The following FBXL7 variants were observed in gnomAD, a reference collection of about 807,000 sequenced individuals.
FBXL7 encodes F-box and leucine rich repeat protein 7.
A neutral mutation model predicts 38.3 loss-of-function variants in FBXL7; 12 were observed. That is an observed-to-expected ratio of 0.31 (90% CI 0.20 to 0.51). The LOEUF (loss-of-function observed/expected upper bound fraction) is 0.51, where lower values mean the gene tolerates loss of function less well. FBXL7 is among the 20% of genes least tolerant of loss of function. The pLI, the probability that FBXL7 is intolerant of heterozygous loss-of-function variation, is 0.98. For missense variants in FBXL7, 567 were observed against 676.4 expected, an observed-to-expected ratio of 0.84 and a Z score of 1.79; for synonymous variants, 297 against 300.9, an observed-to-expected ratio of 0.99 and a Z score of 0.13.
chr5:15,808,511 C>T (rs1737775187), intron 2 of FBXL7, among the ~76,000 whole-genome samples: 1 of 152,132 alleles, frequency 6.6e-6, no homozygotes, highest in South Asian at 2.1e-4. Flanking sequence ...CTGTGTATTT[C>T]CCACTGTGTA....
intron 2 of FBXL7, among the ~76,000 whole-genome samples, chr5:15,680,823 A>G (rs1742821258): frequency 6.6e-6 from 1 of 152,188 alleles, no homozygotes; most frequent in South Asian, 2.1e-4. Context: ...TTCTCTCTTC[A>G]TAAATGGCCA....
intron 2 of FBXL7, among the ~76,000 whole-genome samples, chr5:15,703,166 T>C (rs972149910): frequency 2.0e-5 from 3 of 152,208 alleles, no homozygotes; most frequent in African/African-American, 7.2e-5. Context: ...CTACAGTTAC[T>C]TACACAAATG....
chr5:15,500,577 C>G lies in FBXL7; in HGVS notation c.-100C>G. 1 of 1,540,628 alleles carries G rather than the reference C, an allele frequency of 6.5e-7. No homozygotes were observed. The highest frequency in any genetic ancestry group is 1.1e-5 in the South Asian group (1 of 89,708). On this transcript the variant is annotated 5_prime_UTR_variant, in exon 1 of 4. Transcript: ENST00000504595. ...CCCGGAGCTTGGGGGGGATGTGCAG[C>G]TAACGGTCCCGTCGGGCGGGCTTTC...
In FBXL7 at chr5:15,928,720, T is replaced by A. The variant is rs573494873; in HGVS notation, c.739+219T>A. On this transcript the variant is annotated intron_variant, in intron 3 of 3. Transcript: ENST00000504595. The surrounding 1 kb of genome is among the most constrained non-coding windows in gnomAD (Gnocchi z 4.0). ...TCAAATAATGTCCACTTCTTTTTTTTTTATTATTATACTTTAAGTTTTAGG... is the reference window on the plus strand; with the variant it reads ...TCAAATAATGTCCACTTCTTTTTTTATTATTATTATACTTTAAGTTTTAGG... Among the ~76,000 whole-genome samples, 65 of 152,312 alleles carry A rather than the reference T, an allele frequency of 4.3e-4. No homozygotes were observed. In the Middle Eastern group the frequency reaches 0.014, roughly 32 times the overall value.
At chr5:15,701,876 T>C (rs181672889) in intron 2 of FBXL7, among the ~76,000 whole-genome samples, 22 of 152,308 alleles carry the variant, frequency 1.4e-4, no homozygotes, top group African/African-American at 5.3e-4. Context: ...TAAAGATGAC[T>C]GTAAAGTACA....
At chr5:15,885,176 C>G (rs1740625574) in intron 2 of FBXL7, among the ~76,000 whole-genome samples, 1 of 152,134 alleles carries the variant, frequency 6.6e-6, no homozygotes, top group South Asian at 2.1e-4. Context: ...CAGTTCTTTG[C>G]AAGTTGATGG....
rs1164192996 is a variant in FBXL7, at chr5:15,505,906, T to C, written c.37+5193T>C. 5.3e-5 allele frequency among the ~76,000 whole-genome samples: 8 copies of C among 152,128 alleles called. No homozygotes were observed. The East Asian group carries it at 1.4e-3, about 26-fold the overall frequency. On this transcript the variant is annotated intron_variant, in intron 1 of 3. Coordinates refer to ENST00000504595, the MANE Select transcript of FBXL7 (RefSeq NM_012304.5). ...AAAACTTGGAGAGTACCGAACCTGA[T>C]TGCAGTCAGTCGGAACGTTTCTGTC...
In FBXL7 at chr5:15,877,468, A is replaced by G. The variant is rs60716264; in HGVS notation, c.128-50422A>G. ...TCATTTAATCGTATTTCAATTCCAT[A>G]GAGACTGAAGAGATGCAGTTGGGAT... On this transcript the variant is annotated intron_variant, in intron 2 of 3. Transcript: ENST00000504595. 7.0e-3 allele frequency among the ~76,000 whole-genome samples: 1,064 copies of G among 152,344 alleles called. 20 individuals are homozygous for G. The highest frequency in any genetic ancestry group is 0.024 in the African/African-American group (1,015 of 41,576).
chr5:15,530,277 C>T (rs1201726947), intron 1 of FBXL7, among the ~76,000 whole-genome samples: 1 of 152,304 alleles, frequency 6.6e-6, no homozygotes, highest in African/African-American at 2.4e-5. Context: ...GTTTAAAAAA[C>T]TGTCAACCAT....
intron 1 of FBXL7, among the ~76,000 whole-genome samples, chr5:15,507,748 A>G (rs1175078409): frequency 6.6e-6 from 1 of 152,208 alleles, no homozygotes; most frequent in Non-Finnish European, 1.5e-5. Context: ...CCCAATAAAA[A>G]AAGTCTTAAG....
intron 2 of FBXL7, among the ~76,000 whole-genome samples, chr5:15,885,002 A>G (rs545983631): frequency 3.9e-5 from 6 of 152,316 alleles, no homozygotes; most frequent in East Asian, 1.9e-4. Flanking sequence ...ACTTACAACA[A>G]CAGCACTATT....
Position 15,891,998 on chromosome 5 carries a change from G to A in FBXL7, c.128-35892G>A, listed in dbSNP as rs572178345. ...AGGAGGGAACAGCCCCAGGTTGCAAGGGAGATCAGTGCTCCCTGCCTCCTC... is the reference window on the plus strand; with the variant it reads ...AGGAGGGAACAGCCCCAGGTTGCAAAGGAGATCAGTGCTCCCTGCCTCCTC... On this transcript the variant is annotated intron_variant, in intron 2 of 3. Transcript: ENST00000504595. Among the ~76,000 whole-genome samples, 4 of 152,360 alleles carry A rather than the reference G, an allele frequency of 2.6e-5. No homozygotes were observed. The South Asian group carries it at 8.3e-4, about 32-fold the overall frequency.
At chr5:15,840,556 T>C (rs1738717775) in intron 2 of FBXL7, among the ~76,000 whole-genome samples, 1 of 152,194 alleles carries the variant, frequency 6.6e-6, no homozygotes, top group Non-Finnish European at 1.5e-5. Flanking sequence ...AATATTGCTA[T>C]TTAATAATAG....
At position 15,712,152 on chromosome 5, in the gene FBXL7, T is replaced by C. The variant is rs545025764; in HGVS notation, c.127+96080T>C. The stretch of plus-strand genomic sequence containing the variant: ...TTCATCTGCTGAAAAAGTTTCAATG[T>C]TTTTATGTGCATGTACAATGCTTAC... On this transcript the variant is annotated intron_variant, in intron 2 of 3. Coordinates refer to ENST00000504595, the MANE Select transcript of FBXL7 (RefSeq NM_012304.5). Among the ~76,000 whole-genome samples the C allele has an allele frequency of 5.3e-5, 8 of 152,272 alleles. No homozygotes were observed. The South Asian group carries it at 1.7e-3, about 32-fold the overall frequency.
At position 15,815,202 on chromosome 5, in the gene FBXL7, A is replaced by G. The variant is rs113269735; in HGVS notation, c.128-112688A>G. ...CTTTCTCTGTAACTATTGGCATTTG[A>G]TAATATTTTTTGCAGCTAATTATCT... On this transcript the variant is annotated intron_variant, in intron 2 of 3. Transcript: ENST00000504595. Among the ~76,000 whole-genome samples the G allele has an allele frequency of 1.4e-3, 209 of 152,084 alleles. 1 individual carries two copies. The highest frequency in any genetic ancestry group is 4.8e-3 in the African/African-American group (198 of 41,378).
chr5:15,923,564 G>A (rs1020705049), intron 2 of FBXL7, among the ~76,000 whole-genome samples: 1 of 152,058 alleles, frequency 6.6e-6, no homozygotes, highest in Middle Eastern at 3.2e-3. Flanking sequence ...TGTATTTGTG[G>A]AAAATATCAA....
At chr5:15,797,365 C>A (rs568612970) in intron 2 of FBXL7, among the ~76,000 whole-genome samples, 11 of 152,352 alleles carry the variant, frequency 7.2e-5, no homozygotes, top group Middle Eastern at 3.4e-3. Flanking sequence ...CATGTGACAC[C>A]TGTTTCTGCC....
chr5:15,707,174 G>GTTTTTT (rs71603796), intron 2 of FBXL7, among the ~76,000 whole-genome samples: 70 of 70,408 alleles, frequency 9.9e-4, no homozygotes, highest in East Asian at 1.5e-3. Context: ...TTTTCTTTTC[G>GTTTTTT]TTTTTTTTTT....
At chr5:15,771,875 C>A (rs1193643056) in intron 2 of FBXL7, among the ~76,000 whole-genome samples, 1 of 147,958 alleles carries the variant, frequency 6.8e-6, no homozygotes, top group East Asian at 2.0e-4. Flanking sequence ...TCAAGCAATT[C>A]TCCTGCTTCA....
Sources: gnomAD v4.1 joint callset for allele counts (sites outside exome capture counted in the v4.1 genomes callset) on GRCh38, gnomAD v4.1.1 for gene constraint, Gnocchi (gnomAD v3.1) non-coding constraint, MANE v1.5 for transcripts, NCBI Gene and HGNC (gene_info 2026-07-23, HGNC 2026-07-21) for gene names.